The following FOXI3 variants were observed in gnomAD, a reference collection of about 807,000 sequenced individuals.
The protein encoded by FOXI3 is forkhead box I3, also known as forkhead box protein I3.
A neutral mutation model predicts 15.6 loss-of-function variants in FOXI3; 4 were observed. The observed-to-expected ratio is 0.26, with a 90% confidence interval of 0.13 to 0.59. The LOEUF is 0.59. Ranked by LOEUF, FOXI3 falls within the 20% of genes least tolerant of loss-of-function variation. The pLI, the probability that FOXI3 is intolerant of heterozygous loss-of-function variation, is 0.90. For synonymous variants in FOXI3, 238 were observed against 244.4 expected (o/e 0.97, Z 0.25); for missense variants, 489 against 548.2 (o/e 0.89, Z 1.08).
intron 1 of FOXI3, among the ~76,000 whole-genome samples, chr2:88,451,401 C>T (rs1404785957): frequency 6.6e-6 from 1 of 152,154 alleles, no homozygotes; most frequent in Non-Finnish European, 1.5e-5. Flanking sequence ...TTGCTCTATT[C>T]AGGACACAGC....
chr2:88,450,659 A>G (rs1415022809), intron 1 of FOXI3, among the ~76,000 whole-genome samples: 6 of 152,138 alleles, frequency 3.9e-5, no homozygotes, highest in Admixed American at 3.9e-4. Flanking sequence ...TTTACACGAC[A>G]ATTTACATGA....
chr2:88,448,458 G>C lies in FOXI3; in HGVS notation c.1012C>G (p.Arg338Gly). The C allele has an allele frequency of 6.4e-7, 1 of 1,551,664 alleles. No homozygotes were observed. The highest frequency in any genetic ancestry group is 2.0e-5 in the Admixed American group (1 of 51,006). Residue 338 changes from arginine to glycine, a missense_variant, in exon 2 of 2, where the codon CGC (arginine) becomes GGC (glycine). Around this residue, in one of 3 missense-constraint regions of FOXI3, gnomAD observed 263 missense variants for 285.5 expected, o/e 0.92. Transcript: ENST00000428390. The stretch of plus-strand genomic sequence containing the variant: ...TGGGCCCCCTGGATCCCTAGGTGGC[G>C]GCTGCCAGGGAGAGCCCGCTGGGTA... Reference protein sequence around the residue: ...VSTQRALPGSRHLGIQGAQLP... With the variant: ...VSTQRALPGSGHLGIQGAQLP...
At chr2:88,450,891 A>G (rs1465299261) in intron 1 of FOXI3, among the ~76,000 whole-genome samples, 1 of 152,194 alleles carries the variant, frequency 6.6e-6, no homozygotes, top group African/African-American at 2.4e-5. Context: ...TATATGTTGA[A>G]ACAATATTTT....
At chr2:88,449,255 C>T (rs1341958721) in intron 1 of FOXI3, among the ~76,000 whole-genome samples, 1 of 151,446 alleles carries the variant, frequency 6.6e-6, no homozygotes, top group Non-Finnish European at 1.5e-5. Context: ...GCCTCCGTTT[C>T]TTTATTTATA....
Position 88,448,715 on chromosome 2 carries a change from G to A in FOXI3, c.755C>T (p.Ala252Val), listed in dbSNP as rs75621379. 1 of 1,551,754 alleles carries A rather than the reference G, an allele frequency of 6.4e-7. No homozygotes were observed. The highest frequency in any genetic ancestry group is 2.4e-5 in the East Asian group (1 of 40,912). ...CCCTTCTTCGGACTTTGATGTCCCAGCAGCCACTGTGGAGCCATTGCTGGC... is the reference window on the plus strand; with the variant it reads ...CCCTTCTTCGGACTTTGATGTCCCAACAGCCACTGTGGAGCCATTGCTGGC... ...SEASNGSTVA[A>V]GTSKSEEGLS... is the part of the protein sequence containing the mutation. The change falls in exon 2 of 2, where the codon GCT (alanine) becomes GTT (valine). Residue 252 changes from alanine to valine, a missense_variant. By Grantham distance (64) the Ala-to-Val change is moderately conservative. Coordinates refer to ENST00000428390, the MANE Select transcript of FOXI3 (RefSeq NM_001135649.3).
chr2:88,448,863 A>G, intron 1 of FOXI3, 34 bp from the exon 2 acceptor site: 1 of 1,527,038 alleles, frequency 6.5e-7, no homozygotes, highest in African/African-American at 1.4e-5. Flanking sequence ...TTAGAGAAGG[A>G]CCTATTCAAT....
rs1489753061 is a variant in FOXI3, at chr2:88,448,835, A to G, written c.641-6T>C. ...AGTCCAATAATTACCCTTTCCTGAGAAGATGAGAAAGACCAAGTTAGAGAA... is the reference window on the plus strand; with the variant it reads ...AGTCCAATAATTACCCTTTCCTGAGGAGATGAGAAAGACCAAGTTAGAGAA... On this transcript the variant is annotated splice_polypyrimidine_tract_variant and splice_region_variant and intron_variant, in intron 1 of 1. Coordinates refer to ENST00000428390, the MANE Select transcript of FOXI3 (RefSeq NM_001135649.3). 3 of 1,543,916 alleles carry G rather than the reference A, an allele frequency of 1.9e-6. No individual in the cohort carries two copies. Among genetic ancestry groups the G allele is most frequent in the African/African-American group, 2.7e-5 (2 of 72,782 alleles).
In FOXI3 at chr2:88,452,269, G is replaced by C. The variant is rs1676064440; in HGVS notation, c.267C>G (p.Ala89=). The change falls in exon 1 of 2, where the codon GCC becomes GCG. Residue 89 remains alanine (A), a synonymous_variant. Coordinates refer to ENST00000428390, the MANE Select transcript of FOXI3 (RefSeq NM_001135649.3). ...PPPPPPPGAA[A]GPFLQPPPAA... ...CAGGCGGTGGCTGCAGAAAGGGCCC[G>C]GCCGCGGCCCCGGGGGGCGGCGGCG... The C allele has an allele frequency of 1.0e-6, 1 of 990,946 alleles. No homozygotes were observed. The highest frequency in any genetic ancestry group is 4.5e-5 in the South Asian group (1 of 22,204). 61.4% of individuals were successfully genotyped at this position (990,946 alleles called of 1,614,324 possible). A position where few individuals can be genotyped will look rare whatever the true frequency, so the allele number is the denominator to read the frequency against.
Position 88,448,776 on chromosome 2 carries a change from C to T in FOXI3, c.694G>A (p.Gly232Arg), listed in dbSNP as rs1675993679. Residue 232 changes from glycine (G) to arginine (R), a missense_variant, in exon 2 of 2, where the codon GGG becomes AGG. By Grantham distance (125) the Gly-to-Arg change is moderately radical. Transcript: ENST00000428390. The part of the protein sequence containing the change: ...DPNCEKMFDN[G>R]NFRRKRKRRS... ...CGCTTTCGCTTCCGACGGAAGTTCC[C>T]ATTGTCAAACATTTTCTCGCAGTTC... The T allele has an allele frequency of 1.3e-6, 2 of 1,551,652 alleles. No individual in the cohort carries two copies. The highest frequency in any genetic ancestry group is 3.9e-5 in the Admixed American group (2 of 50,990).
rs547355868 is a variant in FOXI3, at chr2:88,448,350, T to C, written c.1120A>G (p.Asn374Asp). 1.3e-6 allele frequency: 2 copies of C among 1,551,678 alleles called. No homozygotes were observed. The highest frequency in any genetic ancestry group is 3.9e-5 in the Admixed American group (2 of 51,002). ...TAGGAAGATCTCTGGCCGGTGCTAT[T>C]GCTGGTGCTATTGCTCAGTTGCAAG... ...DTLQLSNSTSNSTGQRSSYYS... is the reference protein window; with the variant it reads ...DTLQLSNSTSDSTGQRSSYYS... The change falls in exon 2 of 2, where the codon AAT becomes GAT. Residue 374 changes from asparagine to aspartate, a missense_variant. Physicochemically the swap from Asn to Asp is conservative, Grantham distance 23 (BLOSUM62 1). Transcript: ENST00000428390.
At chr2:88,451,390 C>T (rs1676040176) in intron 1 of FOXI3, among the ~76,000 whole-genome samples, 1 of 152,226 alleles carries the variant, frequency 6.6e-6, no homozygotes, top group South Asian at 2.1e-4. Context: ...AGGCATCGTA[C>T]TTGCTCTATT....
rs1045023563 is a variant in FOXI3, at chr2:88,452,179, C to A, written c.357G>T (p.Ser119=). ...CCCCGGGCCCCGCGGGCGCGGCGGGCGAGGCGGGCGCGGCGGGCGCGGGCT... is the reference window on the plus strand; with the variant it reads ...CCCCGGGCCCCGCGGGCGCGGCGGGAGAGGCGGGCGCGGCGGGCGCGGGCT... ...FAQPAPAAPA[S]PAAPAGPGEL... is the part of the protein sequence containing the mutation. The change falls in exon 1 of 2, where the codon TCG becomes TCT. Residue 119 remains serine (S), a synonymous_variant. Coordinates refer to ENST00000428390, the MANE Select transcript of FOXI3 (RefSeq NM_001135649.3). The A allele has an allele frequency of 4.9e-5, 63 of 1,278,528 alleles. No individual in the cohort carries two copies. Among genetic ancestry groups the A allele is most frequent in the Non-Finnish European group, 6.1e-5 (62 of 1,016,238 alleles). 79.2% of individuals were successfully genotyped at this position (1,278,528 alleles called of 1,614,324 possible).
rs1675992868 is a variant in FOXI3, at chr2:88,448,743, C to T, written c.727G>A (p.Glu243Lys). 5.8e-6 allele frequency: 9 copies of T among 1,551,812 alleles called. No homozygotes were observed. Among genetic ancestry groups the T allele is most frequent in the Non-Finnish European group, 7.8e-6 (9 of 1,147,050 alleles). ...GCCACTGTGGAGCCATTGCTGGCCTCAGAGCGGCGCTTTCGCTTCCGACGG... is the reference window on the plus strand; with the variant it reads ...GCCACTGTGGAGCCATTGCTGGCCTTAGAGCGGCGCTTTCGCTTCCGACGG... ...NFRRKRKRRS[E>K]ASNGSTVAAG... The change falls in exon 2 of 2, where the codon GAG becomes AAG. Residue 243 changes from glutamate (E) to lysine (K), a missense_variant. Glu to Lys is a moderately conservative substitution (Grantham distance 56). Coordinates refer to ENST00000428390, the MANE Select transcript of FOXI3 (RefSeq NM_001135649.3).
Position 88,452,224 on chromosome 2 carries a change from G to A in FOXI3, c.312C>T (p.Cys104=). 1 of 1,114,278 alleles carries A rather than the reference G, an allele frequency of 9.0e-7. No homozygotes were observed. The highest frequency in any genetic ancestry group is 5.1e-5 in the Admixed American group (1 of 19,606). The allele number at this position is 1,114,278 out of a possible 1,614,324, so 69.0% of individuals were successfully genotyped here. A position where few individuals can be genotyped will look rare whatever the true frequency, so the allele number is the denominator to read the frequency against. The change falls in exon 1 of 2, where the codon TGC becomes TGT. Residue 104 remains cysteine (C), a synonymous_variant. Transcript: ENST00000428390. ...CGGGCTGCGCGAAGGGCCGCTGAGA[G>A]CAGCCGAAGGTGCCGGCGGCAGGCG... ...QPPPAAGTFG[C]SQRPFAQPAP...
chr2:88,448,194 C>A lies in FOXI3; in HGVS notation c.*13G>T. 1 of 1,549,440 alleles carries A rather than the reference C, an allele frequency of 6.5e-7. No individual in the cohort carries two copies. Among genetic ancestry groups the A allele is most frequent in the South Asian group, 1.2e-5 (1 of 83,942 alleles). On this transcript the variant is annotated 3_prime_UTR_variant, in exon 2 of 2. Transcript: ENST00000428390. ...ACGCCTCAGGTGTGCATACTCAAGT[C>A]TGAGAGTCTGCTCTACACCTCGGAG...
chr2:88,451,900 G>A lies in FOXI3; in HGVS notation c.636C>T (p.Asp212=). The A allele has an allele frequency of 6.2e-7, 1 of 1,613,042 alleles. No individual in the cohort carries two copies. The highest frequency in any genetic ancestry group is 1.1e-5 in the South Asian group (1 of 90,944). The change falls in exon 1 of 2, where the codon GAC becomes GAT. Residue 212 remains aspartate (D), a synonymous_variant. Transcript: ENST00000428390. ...GCACCTGCCAGCGGCCCTCACCTGG[G>A]TCGTCCTCGTCGCGGGGCACCTTCT... ...CFKKVPRDED[D]PGKGNYWTLD... is the part of the protein sequence containing the mutation.
chr2:88,449,822 C>T (rs1311575139), intron 1 of FOXI3, among the ~76,000 whole-genome samples: 3 of 152,042 alleles, frequency 2.0e-5, no homozygotes, highest in African/African-American at 7.2e-5. Context: ...AGCTTTATGG[C>T]GATAGGCAAT....
At chr2:88,451,592 G>GTTTA (rs921807032) in intron 1 of FOXI3, among the ~76,000 whole-genome samples, 8 of 152,032 alleles carry the variant, frequency 5.3e-5, no homozygotes, top group African/African-American at 1.9e-4. Context: ...AAGGCCTAAG[G>GTTTA]AACACCACCC....
Position 88,452,407 on chromosome 2 carries a change from G to A in FOXI3, c.129C>T (p.Ala43=). The A allele has an allele frequency of 4.0e-6, 4 of 1,000,478 alleles. No individual in the cohort carries two copies. The highest frequency in any genetic ancestry group is 5.0e-4 in the Middle Eastern group (1 of 1,990). 62.0% of individuals were successfully genotyped at this position (1,000,478 alleles called of 1,614,324 possible). A position where few individuals can be genotyped will look rare whatever the true frequency, so the allele number is the denominator to read the frequency against. ...GGTTGGCGGCGGCGGCCGGCGGCGC[G>A]GCGTAGTCGGCCAGCCCGTAAGGCG... ...ARAPYGLADY[A]APPAAAANPY... Residue 43 remains alanine (A), a synonymous_variant, in exon 1 of 2, where the codon GCC becomes GCT. Transcript: ENST00000428390.
Sources: allele counts gnomAD v4.1 joint callset (sites outside exome capture counted in the v4.1 genomes callset), GRCh38; gene constraint gnomAD v4.1.1; regional missense constraint gnomAD v4.1.1; transcripts MANE v1.5; gene names NCBI Gene and HGNC (gene_info 2026-07-23, HGNC 2026-07-21).